Variants in CIT observed in about 807,000 individuals in gnomAD.
The protein encoded by CIT is citron Rho-interacting kinase.
In CIT, 79 loss-of-function variants were observed where a neutral mutation model predicts 272.7. The ratio of observed to expected loss-of-function variants is 0.29; its 90% CI spans 0.24 to 0.35. The LOEUF (loss-of-function observed/expected upper bound fraction) is 0.35, where lower values mean the gene tolerates loss of function less well. Ranked by LOEUF, CIT falls within the 10% of genes least tolerant of loss-of-function variation. The probability of loss-of-function intolerance (pLI) is 1.00; values close to 1 mark genes in which losing one functional copy is unlikely to be tolerated. For missense variants in CIT, 1,909 were observed against 2,618.3 expected (o/e 0.73, Z 5.91); for synonymous variants, 948 against 995.6 (o/e 0.95, Z 0.90).
rs1426790936 is a variant in CIT at position 119,848,162 on chromosome 12, AC to A, written c.516+2011del. Reference sequence around the variant, plus strand: ...GAGCTGTGGCATTGGTTCTGAAGGCACGTGTGGTCAGTCAAAGCCAGTCTGC... The same window carrying A: ...GAGCTGTGGCATTGGTTCTGAAGGCAGTGTGGTCAGTCAAAGCCAGTCTGC... On this transcript the variant is annotated intron_variant, in intron 5 of 47. Coordinates refer to ENST00000392521, the MANE Select transcript of CIT (RefSeq NM_001206999.2). Among the ~76,000 whole-genome samples the A allele has an allele frequency of 1.1e-4, 16 of 152,328 alleles. No individual in the cohort carries two copies. The East Asian group carries it at 3.1e-3, about 29-fold the overall frequency.
At chr12:119,751,202 C>T (rs1304251474) in intron 23 of CIT, among the ~76,000 whole-genome samples, 1 of 152,156 alleles carries the variant, frequency 6.6e-6, no homozygotes, top group Non-Finnish European at 1.5e-5. Context: ...TCTAAGTATA[C>T]TTCCCTGAAT....
At chr12:119,757,970 C>G (rs1961244353) in intron 21 of CIT, among the ~76,000 whole-genome samples, 1 of 152,178 alleles carries the variant, frequency 6.6e-6, no homozygotes, top group African/African-American at 2.4e-5. Context: ...CCTTCTAGTT[C>G]TCTGCAGATC....
chr12:119,741,222 G>A (rs572493153), intron 24 of CIT, among the ~76,000 whole-genome samples: 13 of 149,678 alleles, frequency 8.7e-5, no homozygotes, highest in Admixed American at 5.3e-4. Flanking sequence ...ACATTTAAGC[G>A]AAAAAAAAAG....
intron 10 of CIT, among the ~76,000 whole-genome samples, chr12:119,785,681 G>T (rs1310495456): frequency 6.6e-6 from 1 of 152,098 alleles, no homozygotes; most frequent in African/African-American, 2.4e-5. Context: ...CTGGGTTCAA[G>T]CAATTCTCCT....
chr12:119,699,348 A>T (rs1176527132), intron 44 of CIT, among the ~76,000 whole-genome samples: 3 of 151,304 alleles, frequency 2.0e-5, no homozygotes, highest in East Asian at 3.9e-4. Context: ...TTAATACTCT[A>T]TCTCTGCATG....
At chr12:119,856,953 T>C (rs768372503) in intron 4 of CIT, among the ~76,000 whole-genome samples, 10 of 152,228 alleles carry the variant, frequency 6.6e-5, no homozygotes, top group Non-Finnish European at 1.2e-4. Flanking sequence ...ATTCCAAGGC[T>C]GACGGCCATC....
intron 20 of CIT, among the ~76,000 whole-genome samples, chr12:119,760,558 T>C (rs1489949734): frequency 6.6e-6 from 1 of 150,436 alleles, no homozygotes; most frequent in Non-Finnish European, 1.5e-5. Context: ...GCCCAGGAGT[T>C]GGAGGCTGCA....
chr12:119,840,266 T>C (rs1969319007), intron 5 of CIT, among the ~76,000 whole-genome samples: 1 of 152,124 alleles, frequency 6.6e-6, no homozygotes, highest in Non-Finnish European at 1.5e-5. Context: ...TACAATGAGC[T>C]ACGATCGTGC....
chr12:119,860,264 A>T (rs1219226146), intron 3 of CIT, among the ~76,000 whole-genome samples: 1 of 152,152 alleles, frequency 6.6e-6, no homozygotes, highest in Non-Finnish European at 1.5e-5. Flanking sequence ...AATCATCCTG[A>T]ATACACCTTC....
At chr12:119,755,158 T>G (rs1960775868) in intron 22 of CIT, among the ~76,000 whole-genome samples, 1 of 151,988 alleles carries the variant, frequency 6.6e-6, no homozygotes, top group Non-Finnish European at 1.5e-5. Context: ...TTCTGAGAAA[T>G]CCTGACCTAA....
At chr12:119,842,324 G>T (rs1213463259) in intron 5 of CIT, among the ~76,000 whole-genome samples, 1 of 148,198 alleles carries the variant, frequency 6.7e-6, no homozygotes, top group South Asian at 2.2e-4. Context: ...AGGAGGTAGA[G>T]GTTGCACTGA....
chr12:119,764,877 G>GCTCACTGCAACCTCTGCT (rs1361814374), intron 19 of CIT, among the ~76,000 whole-genome samples: 8 of 151,888 alleles, frequency 5.3e-5, no homozygotes, highest in Non-Finnish European at 1.2e-4. Context: ...TGAAATCTTG[G>GCTCACTGCAACCTCTGCT]CTCACTGCAA....
intron 22 of CIT, among the ~76,000 whole-genome samples, chr12:119,754,608 T>C (rs977433424): frequency 1.3e-5 from 2 of 152,262 alleles, no homozygotes; most frequent in African/African-American, 4.8e-5. Flanking sequence ...CACACAAAGT[T>C]GGGGGAAGGC....
intron 24 of CIT, among the ~76,000 whole-genome samples, chr12:119,735,699 G>A (rs975107042): frequency 2.0e-5 from 3 of 152,170 alleles, no homozygotes; most frequent in Admixed American, 6.5e-5. Flanking sequence ...TGCAAATTAA[G>A]AATAGACTGG....
chr12:119,821,593 G>T (rs1287736703), intron 9 of CIT, among the ~76,000 whole-genome samples: 1 of 152,084 alleles, frequency 6.6e-6, no homozygotes, highest in Non-Finnish European at 1.5e-5. Context: ...TCTTAGACAT[G>T]ATCAGCAGGT....
intron 9 of CIT, among the ~76,000 whole-genome samples, chr12:119,817,275 G>A (rs1043207690): frequency 3.9e-5 from 6 of 152,052 alleles, no homozygotes; most frequent in Non-Finnish European, 7.4e-5. Flanking sequence ...ACTTTGGGAG[G>A]CTGAGGCAGG....
In CIT at chr12:119,697,945, A is replaced by C; in HGVS notation, c.5702+31T>G. The C allele has an allele frequency of 1.9e-6, 3 of 1,613,786 alleles. No homozygotes were observed. Among genetic ancestry groups the C allele is most frequent in the Non-Finnish European group, 2.5e-6 (3 of 1,179,714 alleles). On this transcript the variant is annotated intron_variant, in intron 45 of 47. Coordinates refer to ENST00000392521, the MANE Select transcript of CIT (RefSeq NM_001206999.2). The surrounding 1 kb of genome is among the most constrained non-coding windows in gnomAD (Gnocchi z 4.9). ...CCCCAACACCTACCCCAATAGCTGA[A>C]GTTTTCCACGCATGGGAGGACAATG...
At chr12:119,740,595 C>T (rs1959011361) in intron 24 of CIT, among the ~76,000 whole-genome samples, 1 of 151,974 alleles carries the variant, frequency 6.6e-6, no homozygotes, top group African/African-American at 2.4e-5. Flanking sequence ...GAAAAAAGAA[C>T]TCCAGATGAA....
At position 119,700,812 on chromosome 12, in the gene CIT, G is replaced by A. The variant is rs775535132; in HGVS notation, c.5556C>T (p.Phe1852=). The A allele has an allele frequency of 4.3e-6, 7 of 1,613,652 alleles. No individual in the cohort carries two copies. The East Asian group carries it at 6.7e-5, about 15-fold the overall frequency. The change falls in exon 44 of 48, where the codon TTC becomes TTT. Residue 1852 remains phenylalanine (F), a synonymous_variant. Coordinates refer to ENST00000392521, the MANE Select transcript of CIT (RefSeq NM_001206999.2). ...GGCTACGTCTTCCGTAAGAATCCAC[G>A]AACACTCCAAATTCTGCAAGGTGTC... ...YLLCFHEFGV[F]VDSYGRRSRT... is the part of the protein sequence containing the mutation.
Sources: allele counts gnomAD v4.1 joint callset (sites outside exome capture counted in the v4.1 genomes callset), GRCh38; gene constraint gnomAD v4.1.1; non-coding constraint Gnocchi (gnomAD v3.1); transcripts MANE v1.5; gene names NCBI Gene and HGNC (gene_info 2026-07-23, HGNC 2026-07-21).